ADAM10: variants seen among roughly 807,000 people sequenced by gnomAD.
ADAM10 encodes the protein ADAM metallopeptidase domain 10.
Under a neutral mutation model 90.1 loss-of-function variants are expected in ADAM10, and 17 were observed. The ratio of observed to expected loss-of-function variants is 0.19; its 90% CI spans 0.13 to 0.28. The LOEUF (loss-of-function observed/expected upper bound fraction) is 0.28. Among genes scored for constraint, ADAM10 ranks in the 10% least tolerant of loss-of-function variants. The pLI is 1.00. For synonymous variants in ADAM10, 310 were observed against 298.6 expected (o/e 1.04, Z -0.40); for missense variants, 610 against 914.3 (o/e 0.67, Z 4.29).
chr15:58,628,029 G>T, intron 9 of ADAM10, 146 bp from the exon 10 acceptor site: 1 of 819,056 alleles, frequency 1.2e-6, no homozygotes, highest in Non-Finnish European at 1.9e-6. Flanking sequence ...TTTACACCTT[G>T]AGTAGGAAAA....
chr15:58,690,653 CAGG>C (rs1191886427), intron 2 of ADAM10, among the ~76,000 whole-genome samples: 1 of 152,002 alleles, frequency 6.6e-6, no homozygotes, highest in African/African-American at 2.4e-5. Flanking sequence ...CAGAGAGAGC[CAGG>C]TGGGACAGGA....
chr15:58,668,936 A>G (rs749780425), intron 4 of ADAM10, among the ~76,000 whole-genome samples: 5 of 152,156 alleles, frequency 3.3e-5, no homozygotes, highest in Admixed American at 6.6e-5. Context: ...GAATTGTCTA[A>G]CACTTTAAAT....
intron 5 of ADAM10, among the ~76,000 whole-genome samples, chr15:58,648,043 A>G (rs770506129): frequency 1.3e-5 from 2 of 152,220 alleles, no homozygotes; most frequent in Non-Finnish European, 2.9e-5. Context: ...ACATACACAA[A>G]ATGAAAAATT....
At chr15:58,734,764 C>G (rs1189613307) in intron 1 of ADAM10, among the ~76,000 whole-genome samples, 1 of 151,172 alleles carries the variant, frequency 6.6e-6, no homozygotes, top group Non-Finnish European at 1.5e-5. Flanking sequence ...TGGCAAAAAC[C>G]TTTCAAAAAC....
intron 2 of ADAM10, among the ~76,000 whole-genome samples, chr15:58,696,666 T>C (rs1161016852): frequency 6.6e-6 from 1 of 152,108 alleles, no homozygotes; most frequent in Non-Finnish European, 1.5e-5. Context: ...GGTTTCACCA[T>C]GTTAGCCAGG....
chr15:58,649,619 T>C (rs1334184225), intron 5 of ADAM10, among the ~76,000 whole-genome samples: 2 of 152,222 alleles, frequency 1.3e-5, no homozygotes, highest in Admixed American at 6.5e-5. Context: ...TATCCTACTG[T>C]CTTCTGTCTT....
Position 58,594,584 on chromosome 15 carries a change from C to T in ADAM10, c.*2963G>A, listed in dbSNP as rs1216695520. On this transcript the variant is annotated 3_prime_UTR_variant, in exon 16 of 16. Coordinates refer to ENST00000260408, the MANE Select transcript of ADAM10 (RefSeq NM_001110.4). The stretch of plus-strand genomic sequence containing the variant: ...TGCTTCCCCAAACTGCATGACATTG[C>T]TTGACACTACAGGGAATGCTAAATC... 1 of 152,132 alleles carries T rather than the reference C, an allele frequency of 6.6e-6. No homozygotes were observed. Among genetic ancestry groups the T allele is most frequent in the African/African-American group, 2.4e-5 (1 of 41,428 alleles). The allele number at this position is 152,132 out of a possible 1,614,324, so 9.4% of individuals were successfully genotyped here. A position where few individuals can be genotyped will look rare whatever the true frequency, so the allele number is the denominator to read the frequency against.
At chr15:58,733,164 C>T (rs1203258263) in intron 1 of ADAM10, 1 of 152,182 alleles carries the variant, frequency 6.6e-6, no homozygotes, top group Non-Finnish European at 1.5e-5. Context: ...CAGATGTTGT[C>T]TCATTGTTCA....
chr15:58,632,797 T>C (rs1896139071), intron 9 of ADAM10, among the ~76,000 whole-genome samples: 1 of 152,220 alleles, frequency 6.6e-6, no homozygotes, highest in Admixed American at 6.5e-5. Flanking sequence ...AAAAATGCTT[T>C]AACAGAAACA....
At chr15:58,714,156 A>C (rs1422409923) in intron 2 of ADAM10, among the ~76,000 whole-genome samples, 3 of 152,146 alleles carry the variant, frequency 2.0e-5, no homozygotes, top group African/African-American at 7.2e-5. Flanking sequence ...ACGTTTCTTC[A>C]TTTAACAGTA....
chr15:58,671,924 C>G (rs961850066), intron 4 of ADAM10, among the ~76,000 whole-genome samples: 29 of 152,078 alleles, frequency 1.9e-4, no homozygotes, highest in Admixed American at 1.6e-3. Flanking sequence ...ACTGGAGTGG[C>G]AGCCAAAAGA....
At chr15:58,728,877 A>G (rs1337792476) in intron 1 of ADAM10, among the ~76,000 whole-genome samples, 2 of 152,224 alleles carry the variant, frequency 1.3e-5, no homozygotes, top group Non-Finnish European at 2.9e-5. Flanking sequence ...TAGTTTGCTA[A>G]TAGGACATAA....
chr15:58,690,444 G>A (rs1897746422), intron 2 of ADAM10, among the ~76,000 whole-genome samples: 2 of 151,970 alleles, frequency 1.3e-5, no homozygotes, highest in South Asian at 4.2e-4. Flanking sequence ...CCCCAGAAAT[G>A]GTAATCTTTT....
chr15:58,591,749 T>C lies in ADAM10; in HGVS notation c.*5798A>G, dbSNP rs1894828115. 1 of 152,248 alleles carries C rather than the reference T, an allele frequency of 6.6e-6. No individual in the cohort carries two copies. Among genetic ancestry groups the C allele is most frequent in the African/African-American group, 2.4e-5 (1 of 41,464 alleles). 9.4% of individuals were successfully genotyped at this position (152,248 alleles called of 1,614,324 possible). A position where few individuals can be genotyped will look rare whatever the true frequency, so the allele number is the denominator to read the frequency against. On this transcript the variant is annotated 3_prime_UTR_variant, in exon 16 of 16. Transcript: ENST00000260408. The stretch of plus-strand genomic sequence containing the variant: ...TTTAAGCAAAAACTTATACATCGTA[T>C]CATTTCATTTTTTAAGTGTTTCAAT...
At chr15:58,601,322 A>C (rs6494026) in intron 14 of ADAM10, among the ~76,000 whole-genome samples, 87,335 of 151,612 alleles carry the variant, frequency 0.58, 27,658 homozygotes, top group East Asian at 0.95. Flanking sequence ...ATTAGCCAGG[A>C]ATGATGGTGG....
intron 11 of ADAM10, among the ~76,000 whole-genome samples, chr15:58,617,779 T>C (rs1285720628): frequency 1.3e-5 from 2 of 150,814 alleles, no homozygotes; most frequent in Non-Finnish European, 3.0e-5. Context: ...TAGCAGAAAA[T>C]CAATCTCATT....
intron 1 of ADAM10, 23 bp downstream of exon 1, chr15:58,749,457 C>T (rs1325076178): frequency 1.3e-6 from 2 of 1,526,602 alleles, no homozygotes; most frequent in South Asian, 1.2e-5. Context: ...GCGGCGCCCC[C>T]GGCGCTCGCA....
chr15:58,706,667 A>C (rs1307066722), intron 2 of ADAM10, among the ~76,000 whole-genome samples: 1 of 152,100 alleles, frequency 6.6e-6, no homozygotes, highest in East Asian at 1.9e-4. Context: ...GGAAGGGGGA[A>C]AGGGTAGAGA....
intron 5 of ADAM10, among the ~76,000 whole-genome samples, chr15:58,664,698 T>A (rs994626652): frequency 1.3e-5 from 2 of 152,112 alleles, no homozygotes; most frequent in African/African-American, 4.8e-5. Context: ...GTCCTGAGAT[T>A]TTTATTAACA....
Sources: gnomAD v4.1 joint callset for allele counts (sites outside exome capture counted in the v4.1 genomes callset) on GRCh38, gnomAD v4.1.1 for gene constraint, MANE v1.5 for transcripts, NCBI Gene and HGNC (gene_info 2026-07-23, HGNC 2026-07-21) for gene names.